ATRNL1: variants seen among roughly 807,000 people sequenced by gnomAD.
ATRNL1 encodes attractin like 1.
ATRNL1 carries 95 observed loss-of-function variants against 182.7 expected under a neutral mutation model. The observed-to-expected ratio is 0.52, with a 90% CI of 0.44 to 0.62. The LOEUF (loss-of-function observed/expected upper bound fraction) is 0.62, where lower values mean the gene tolerates loss of function less well. Among genes scored for constraint, ATRNL1 ranks in the 20% least tolerant of loss-of-function variants. The probability of loss-of-function intolerance (pLI) is 0.00; values close to 1 mark genes in which losing one functional copy is unlikely to be tolerated. For synonymous variants in ATRNL1, 576 were observed against 568.3 expected (o/e 1.01, Z -0.19); for missense variants, 1,471 against 1,679.5 (o/e 0.88, Z 2.17).
chr10:115,206,047 C>T (rs1354762646), intron 8 of ATRNL1, among the ~76,000 whole-genome samples: 1 of 152,080 alleles, frequency 6.6e-6, no homozygotes, highest in Admixed American at 6.6e-5. Context: ...CATCTTAGAA[C>T]GTCTTTATTT....
At chr10:115,609,920 T>C (rs1164014300) in intron 26 of ATRNL1, among the ~76,000 whole-genome samples, 1 of 152,172 alleles carries the variant, frequency 6.6e-6, no homozygotes, top group Non-Finnish European at 1.5e-5. Context: ...GGTTTATGGA[T>C]GCTGATTTTG....
At chr10:115,868,446 G>A (rs1380270907) in intron 28 of ATRNL1, among the ~76,000 whole-genome samples, 1 of 152,116 alleles carries the variant, frequency 6.6e-6, no homozygotes, top group African/African-American at 2.4e-5. Flanking sequence ...GTTATCATCT[G>A]CCTCCTTAAC....
intron 26 of ATRNL1, among the ~76,000 whole-genome samples, chr10:115,587,036 A>T (rs373310922): frequency 2.8e-4 from 41 of 148,704 alleles, no homozygotes; most frequent in African/African-American, 9.6e-4. Flanking sequence ...GTCTGCCCCT[A>T]CTGGGGGGTG....
At chr10:115,370,856 G>C (rs974772884) in intron 19 of ATRNL1, among the ~76,000 whole-genome samples, 1 of 152,158 alleles carries the variant, frequency 6.6e-6, no homozygotes, top group African/African-American at 2.4e-5. Context: ...GGGCATGTCA[G>C]GGAACTTTCT....
chr10:115,401,696 A>G (rs1214432606), intron 20 of ATRNL1, among the ~76,000 whole-genome samples: 2 of 152,190 alleles, frequency 1.3e-5, no homozygotes, highest in Admixed American at 6.5e-5. Flanking sequence ...TGTAGAGACT[A>G]TATCATGTCT....
chr10:115,842,677 T>C (rs1007890223), intron 27 of ATRNL1, among the ~76,000 whole-genome samples: 9 of 65,110 alleles, frequency 1.4e-4, no homozygotes, highest in Non-Finnish European at 2.4e-4. Flanking sequence ...AATTGATTTT[T>C]ACTATTAATA....
chr10:115,504,282 AT>A (rs1256458843), intron 24 of ATRNL1, among the ~76,000 whole-genome samples: 1 of 152,068 alleles, frequency 6.6e-6, no homozygotes, highest in Non-Finnish European at 1.5e-5. Flanking sequence ...AACTGACTTC[AT>A]CTTGATTCTT....
intron 27 of ATRNL1, among the ~76,000 whole-genome samples, chr10:115,819,041 G>T (rs1030118425): frequency 1.1e-4 from 16 of 151,980 alleles, no homozygotes; most frequent in African/African-American, 3.9e-4. Context: ...ATCATTTGCT[G>T]GCTGCTTGCC....
At chr10:115,297,311 A>G (rs1457820340) in intron 15 of ATRNL1, among the ~76,000 whole-genome samples, 2 of 152,150 alleles carry the variant, frequency 1.3e-5, no homozygotes, top group Non-Finnish European at 2.9e-5. Flanking sequence ...TATTCTTGTG[A>G]TGCCAGGAGC....
chr10:115,790,511 A>G (rs1949505182), intron 27 of ATRNL1, among the ~76,000 whole-genome samples: 1 of 152,132 alleles, frequency 6.6e-6, no homozygotes, highest in Non-Finnish European at 1.5e-5. Flanking sequence ...CAGTGACCAA[A>G]CAATAATTCA....
At chr10:115,667,636 A>G (rs1861076087) in intron 26 of ATRNL1, among the ~76,000 whole-genome samples, 1 of 150,500 alleles carries the variant, frequency 6.6e-6, no homozygotes, top group Non-Finnish European at 1.5e-5. Flanking sequence ...CATCCACAAC[A>G]TTACATCTAC....
At chr10:115,719,851 C>T (rs1307548868) in intron 26 of ATRNL1, among the ~76,000 whole-genome samples, 1 of 147,804 alleles carries the variant, frequency 6.8e-6, no homozygotes, top group African/African-American at 2.5e-5. Context: ...TATCCACCCC[C>T]CCACACACTC....
chr10:115,633,831 T>C (rs1555027192), intron 26 of ATRNL1, among the ~76,000 whole-genome samples: 1 of 152,140 alleles, frequency 6.6e-6, no homozygotes, highest in Non-Finnish European at 1.5e-5. Context: ...TTGACACCAG[T>C]GATTTCTTGG....
chr10:115,535,905 G>C lies in ATRNL1; in HGVS notation c.3717-13553G>C, dbSNP rs979548701. Among the ~76,000 whole-genome samples, 8 of 151,846 alleles carry C rather than the reference G, an allele frequency of 5.3e-5. No individual in the cohort carries two copies. The East Asian group carries it at 1.5e-3, about 29-fold the overall frequency. ...CCCTGTTTGCCTGGGTATCAGCAGC[G>C]GTGTCTGCAGAACAGCAGATTTTCG... is the stretch of plus-strand genomic sequence containing the variant. On this transcript the variant is annotated intron_variant, in intron 25 of 28. Coordinates refer to ENST00000355044, the MANE Select transcript of ATRNL1 (RefSeq NM_207303.4).
At chr10:115,144,179 A>G (rs1448663565) in intron 5 of ATRNL1, among the ~76,000 whole-genome samples, 1 of 150,630 alleles carries the variant, frequency 6.6e-6, no homozygotes, top group Non-Finnish European at 1.5e-5. Flanking sequence ...ACGGAGTCTC[A>G]TGCTGTCGCC....
At position 115,837,264 on chromosome 10, in the gene ATRNL1, G is replaced by C. The variant is rs149172138; in HGVS notation, c.3904-10613G>C. On this transcript the variant is annotated intron_variant, in intron 27 of 28. Coordinates refer to ENST00000355044, the MANE Select transcript of ATRNL1 (RefSeq NM_207303.4). ...AAGGACTCCACGTATCTCAGGTCAT[G>C]CACAGGGGTAGCAAGTCCTGTCTTG... 2.0e-5 allele frequency among the ~76,000 whole-genome samples: 3 copies of C among 152,142 alleles called. No homozygotes were observed. The East Asian group carries it at 5.8e-4, about 30-fold the overall frequency.
At chr10:115,570,734 A>C (rs1854337562) in intron 26 of ATRNL1, among the ~76,000 whole-genome samples, 1 of 152,120 alleles carries the variant, frequency 6.6e-6, no homozygotes, top group Admixed American at 6.5e-5. Flanking sequence ...TTATACTGAC[A>C]GTTGTTTTTC....
At chr10:115,193,654 A>G (rs1554890390) in intron 8 of ATRNL1, among the ~76,000 whole-genome samples, 2 of 151,740 alleles carry the variant, frequency 1.3e-5, no homozygotes, top group African/African-American at 4.8e-5. Flanking sequence ...TCTTTTCAAA[A>G]ATAAACTTCA....
At chr10:115,486,359 T>G (rs1424604652) in intron 24 of ATRNL1, among the ~76,000 whole-genome samples, 3 of 152,066 alleles carry the variant, frequency 2.0e-5, no homozygotes, top group African/African-American at 7.2e-5. Context: ...TACACTCCCA[T>G]CAACAGTGTA....
Sources: gnomAD v4.1 joint callset for allele counts (sites outside exome capture counted in the v4.1 genomes callset) on GRCh38, gnomAD v4.1.1 for gene constraint, MANE v1.5 for transcripts, NCBI Gene and HGNC (gene_info 2026-07-23, HGNC 2026-07-21) for gene names.